MYOM1: variants seen among roughly 807,000 people sequenced by gnomAD.
MYOM1 encodes the protein myomesin-1.
MYOM1 carries 164 observed loss-of-function variants against 205.3 expected under a neutral mutation model. The ratio of observed to expected loss-of-function variants is 0.80; its 90% confidence interval spans 0.70 to 0.91. MYOM1 has a LOEUF of 0.91. Ranked by LOEUF, MYOM1 falls within the 40% of genes least tolerant of loss-of-function variation. The pLI, the probability that MYOM1 is intolerant of heterozygous loss-of-function variation, is 0.00. For synonymous variants in MYOM1, 772 were observed against 789.4 expected, an observed-to-expected ratio of 0.98 and a Z score of 0.37; for missense variants, 2,011 against 2,127.3, an observed-to-expected ratio of 0.95 and a Z score of 1.08.
At chr18:3,167,196 T>C (rs1246314477) in intron 9 of MYOM1, among the ~76,000 whole-genome samples, 1 of 152,222 alleles carries the variant, frequency 6.6e-6, no homozygotes, top group Non-Finnish European at 1.5e-5. Flanking sequence ...AGTGAAAAGA[T>C]GTCCAGGCTT....
intron 14 of MYOM1, among the ~76,000 whole-genome samples, chr18:3,137,139 G>C (rs991305876): frequency 2.5e-3 from 376 of 151,806 alleles, no homozygotes; most frequent in Non-Finnish European, 4.6e-3. Context: ...TTTAGTAGAG[G>C]GGGGTTTCAC....
intron 2 of MYOM1, among the ~76,000 whole-genome samples, chr18:3,213,208 A>G (rs983376567): frequency 3.3e-5 from 5 of 152,214 alleles, no homozygotes; most frequent in African/African-American, 7.2e-5. Flanking sequence ...TATTTTCTCA[A>G]TAACTTTTTA....
upstream of MYOM1, among the ~76,000 whole-genome samples, chr18:3,221,628 T>A (rs2081330998): frequency 6.6e-6 from 1 of 152,224 alleles, no homozygotes; most frequent in African/African-American, 2.4e-5. Context: ...TATTGCTGGC[T>A]CCTCCAGTGG....
At chr18:3,139,791 G>A (rs1469206427) in intron 14 of MYOM1, among the ~76,000 whole-genome samples, 1 of 152,082 alleles carries the variant, frequency 6.6e-6, no homozygotes, top group East Asian at 1.9e-4. Flanking sequence ...GTGTGCTGGG[G>A]GAAGAATATT....
At chr18:3,159,337 C>T (rs1318355427) in intron 10 of MYOM1, among the ~76,000 whole-genome samples, 2 of 152,154 alleles carry the variant, frequency 1.3e-5, no homozygotes, top group Non-Finnish European at 2.9e-5. Flanking sequence ...GGTGTGGAAG[C>T]TGTTTTCTAA....
chr18:3,094,388 A>T, intron 25 of MYOM1, 82 bp from the exon 26 acceptor site: 1 of 1,320,894 alleles, frequency 7.6e-7, no homozygotes. Flanking sequence ...TGAAAAAAAA[A>T]AAAAAACCAC....
chr18:3,224,190 G>C (rs532324634), upstream of MYOM1, among the ~76,000 whole-genome samples: 2 of 152,060 alleles, frequency 1.3e-5, no homozygotes, highest in African/African-American at 4.8e-5. Context: ...CTTGTCACCC[G>C]GCTAATTTTT....
the MYOM1 span, among the ~76,000 whole-genome samples, chr18:3,229,462 A>G: frequency 6.6e-6 from 1 of 151,984 alleles, no homozygotes; most frequent in African/African-American, 2.4e-5. Flanking sequence ...AGCTATAAAT[A>G]TTTTGCACAA....
At chr18:3,227,940 T>C in the MYOM1 span, among the ~76,000 whole-genome samples, 8 of 148,114 alleles carry the variant, frequency 5.4e-5, no homozygotes, top group Non-Finnish European at 1.2e-4. Flanking sequence ...GTAAATTTAA[T>C]GTTGTGTATA....
Position 3,135,994 on chromosome 18 carries a change from G to A in MYOM1, c.2026-264C>T, listed in dbSNP as rs1483128680. ...TAGCTCCCATAATTCCCATGTGTGTGGGAGGGACCTGGTGGGAGATAATTG... is the reference window on the plus strand; with the variant it reads ...TAGCTCCCATAATTCCCATGTGTGTAGGAGGGACCTGGTGGGAGATAATTG... On this transcript the variant is annotated intron_variant, in intron 14 of 37. Transcript: ENST00000356443. This position sits in a 1 kb window ranked among gnomAD's most constrained non-coding sequence, Gnocchi z 4.1. 6.6e-6 allele frequency among the ~76,000 whole-genome samples: 1 copy of A among 152,258 alleles called. No individual in the cohort carries two copies. Among genetic ancestry groups the A allele is most frequent in the Non-Finnish European group, 1.5e-5 (1 of 68,020 alleles).
At chr18:3,231,513 T>TG in the MYOM1 span, among the ~76,000 whole-genome samples, 30 of 151,520 alleles carry the variant, frequency 2.0e-4, no homozygotes, top group Non-Finnish European at 3.7e-4. Flanking sequence ...TCCAGTCATG[T>TG]GTATCCCTAA....
At chr18:3,119,806 G>T in intron 20 of MYOM1, 63 bp downstream of exon 20, 1 of 1,550,280 alleles carries the variant, frequency 6.5e-7, no homozygotes. Context: ...TTTCATTCCA[G>T]GTTGTAGGTT....
rs776183622 is a variant in MYOM1, at chr18:3,134,655, G to A, written c.2379C>T (p.Gly793=). ...TGCACACCCGACTGAGTTACCGTGA[G>A]CCCTTCACGGGGTTGTTGTTACAGG... ...WEPCNNNPVK[G]SRFTCHGLVT... Residue 793 remains glycine, a synonymous_variant, in exon 16 of 38, where the codon GGC becomes GGT. Coordinates refer to ENST00000356443, the MANE Select transcript of MYOM1 (RefSeq NM_003803.4). 6 of 1,611,330 alleles carry A rather than the reference G, an allele frequency of 3.7e-6. No homozygotes were observed. The highest frequency in any genetic ancestry group is 5.1e-6 in the Non-Finnish European group (6 of 1,177,892).
chr18:3,151,487 T>TAATAAAATAAAATAAAATAAAAC (rs2080221403), intron 12 of MYOM1, among the ~76,000 whole-genome samples: 5 of 149,180 alleles, frequency 3.4e-5, no homozygotes, highest in African/African-American at 1.2e-4. Flanking sequence ...TAAAATAAAA[T>TAATAAAATAAAATAAAATAAAAC]AAAATAAAAT....
chr18:3,241,214 A>G, the MYOM1 span, among the ~76,000 whole-genome samples: 1 of 152,214 alleles, frequency 6.6e-6, no homozygotes, highest in African/African-American at 2.4e-5. Context: ...ACAATGGGGA[A>G]AATATTTCCA....
Position 3,215,098 on chromosome 18 carries a change from G to T in MYOM1, c.126C>A (p.Gly42=), listed in dbSNP as rs1408828857. The change falls in exon 2 of 38, where the codon GGC becomes GGA. Residue 42 remains glycine, a synonymous_variant. Transcript: ENST00000356443. The stretch of plus-strand genomic sequence containing the variant: ...AGGAGCGGCTGCTGTAGGCCGTGGA[G>T]CCCTGGGTGTAGACGGCGGAGCGTT... The part of the protein sequence containing the change: ...EKKRSAVYTQ[G]STAYSSRSSA... The T allele has an allele frequency of 6.2e-7, 1 of 1,613,792 alleles. No individual in the cohort carries two copies. Among genetic ancestry groups the T allele is most frequent in the Admixed American group, 1.7e-5 (1 of 60,022 alleles).
rs1267000580 is a variant in MYOM1 at position 3,152,955 on chromosome 18, A to AT, written c.1644-1063dup. Among the ~76,000 whole-genome samples the AT allele has an allele frequency of 6.6e-6, 1 of 152,158 alleles. No individual in the cohort carries two copies. The highest frequency in any genetic ancestry group is 6.5e-5 in the Admixed American group (1 of 15,272). On this transcript the variant is annotated intron_variant, in intron 11 of 37. Transcript: ENST00000356443. The surrounding 1 kb of genome is among the most constrained non-coding windows in gnomAD (Gnocchi z 4.3). ...TAAAGTGCTGTCAAATGTGGCTTCAATCCCTGCCTTCCATCATTTCCCCTA... is the reference window on the plus strand; with the variant it reads ...TAAAGTGCTGTCAAATGTGGCTTCAATTCCCTGCCTTCCATCATTTCCCCTA...
chr18:3,169,511 G>A (rs532434516), intron 8 of MYOM1, among the ~76,000 whole-genome samples: 6 of 152,182 alleles, frequency 3.9e-5, no homozygotes, highest in South Asian at 2.1e-4. Context: ...CTGAATAGAC[G>A]TTTCTAAAAA....
chr18:3,171,623 GT>G (rs2080559053), intron 8 of MYOM1, among the ~76,000 whole-genome samples: 1 of 151,994 alleles, frequency 6.6e-6, no homozygotes, highest in African/African-American at 2.4e-5. Context: ...GGGTTGGCAA[GT>G]CTGTGGGGCA....
Sources: allele counts gnomAD v4.1 joint callset (sites outside exome capture counted in the v4.1 genomes callset), GRCh38; gene constraint gnomAD v4.1.1; non-coding constraint Gnocchi (gnomAD v3.1); transcripts MANE v1.5; gene names NCBI Gene and HGNC (gene_info 2026-07-23, HGNC 2026-07-21).